PAX2: variants seen among roughly 807,000 people sequenced by gnomAD.
The protein encoded by PAX2 is paired box 2, also known as paired box protein Pax-2.
In PAX2, 9 loss-of-function variants were observed where a neutral mutation model predicts 41.7. The ratio of observed to expected loss-of-function variants is 0.22; its 90% CI spans 0.13 to 0.38. PAX2 has a LOEUF of 0.38. Ranked by LOEUF, PAX2 falls within the 10% of genes least tolerant of loss-of-function variation. PAX2 has a pLI of 1.00. For missense variants in PAX2, 418 were observed against 531.6 expected (o/e 0.79, Z 2.10); for synonymous variants, 221 against 212.7 (o/e 1.04, Z -0.34).
At chr10:100,798,001 A>G (rs957018812) in intron 5 of PAX2, among the ~76,000 whole-genome samples, 1 of 152,070 alleles carries the variant, frequency 6.6e-6, no homozygotes, top group African/African-American at 2.4e-5. Context: ...GGCTTGGTCA[A>G]GTACAGCAGG....
In PAX2 at chr10:100,748,809, G is replaced by A. The variant is rs913809619; in HGVS notation, c.44-937G>A. Reference sequence around the variant, plus strand: ...TGGGGGGGCTGCCGAGGTCTGAGGGGTCAAAGGGACTCGAGTCGGGTTTGG... The same window carrying A: ...TGGGGGGGCTGCCGAGGTCTGAGGGATCAAAGGGACTCGAGTCGGGTTTGG... On this transcript the variant is annotated intron_variant, in intron 1 of 9. Coordinates refer to ENST00000355243, the MANE Select transcript of PAX2 (RefSeq NM_000278.5). This position sits in a 1 kb window ranked among gnomAD's most constrained non-coding sequence, Gnocchi z 5.0. The A allele has an allele frequency of 3.0e-6, 3 of 985,522 alleles. No homozygotes were observed. The highest frequency in any genetic ancestry group is 3.6e-6 in the Non-Finnish European group (3 of 830,006). 61.0% of individuals were successfully genotyped at this position (985,522 alleles called of 1,614,324 possible).
chr10:100,741,260 A>T (rs991010235), upstream of PAX2, among the ~76,000 whole-genome samples: 1 of 152,150 alleles, frequency 6.6e-6, no homozygotes, highest in South Asian at 2.1e-4. Flanking sequence ...GCAGGAAAAG[A>T]AGAGTGAGAG....
intron 5 of PAX2, among the ~76,000 whole-genome samples, chr10:100,802,726 A>G (rs916103808): frequency 6.6e-6 from 1 of 152,120 alleles, no homozygotes; most frequent in Non-Finnish European, 1.5e-5. Context: ...GTGCTCTTTG[A>G]CTGGCTGCTG....
At chr10:100,796,278 T>C (rs960271851) in intron 5 of PAX2, among the ~76,000 whole-genome samples, 3 of 152,250 alleles carry the variant, frequency 2.0e-5, no homozygotes, top group Non-Finnish European at 4.4e-5. Flanking sequence ...ATATAATTTT[T>C]TAATCAAAAA....
At chr10:100,801,452 ACTAT>A (rs1326817424) in intron 5 of PAX2, among the ~76,000 whole-genome samples, 5 of 152,244 alleles carry the variant, frequency 3.3e-5, no homozygotes, top group Non-Finnish European at 7.3e-5. Flanking sequence ...TTATTTACAT[ACTAT>A]CTGTGTTCCA....
intron 3 of PAX2, among the ~76,000 whole-genome samples, chr10:100,753,335 G>A (rs1313720608): frequency 1.3e-5 from 2 of 152,168 alleles, no homozygotes; most frequent in Admixed American, 6.5e-5. Flanking sequence ...GGGGAACCAC[G>A]CTCTCATCTT....
At chr10:100,779,980 A>G (rs1187219212) in intron 4 of PAX2, among the ~76,000 whole-genome samples, 6 of 150,990 alleles carry the variant, frequency 4.0e-5, no homozygotes, top group African/African-American at 1.5e-4. Flanking sequence ...TTTTATATCA[A>G]CTTTCTTATT....
intron 5 of PAX2, among the ~76,000 whole-genome samples, chr10:100,792,949 T>G (rs1333032035): frequency 1.3e-5 from 2 of 152,248 alleles, no homozygotes; most frequent in Admixed American, 6.5e-5. Context: ...GTCGCTCTGA[T>G]GCAGTCATTT....
At chr10:100,795,605 G>A (rs1013795846) in intron 5 of PAX2, among the ~76,000 whole-genome samples, 12 of 152,184 alleles carry the variant, frequency 7.9e-5, no homozygotes, top group Admixed American at 7.9e-4. Flanking sequence ...TTCATTTAAA[G>A]GATTTCCAGA....
intron 7 of PAX2, among the ~76,000 whole-genome samples, chr10:100,822,580 G>A (rs1848409045): frequency 6.6e-6 from 1 of 152,230 alleles, no homozygotes; most frequent in Non-Finnish European, 1.5e-5. Flanking sequence ...AGCAAGCTAT[G>A]ATATGAAACA....
chr10:100,803,955 A>G (rs79418615), intron 5 of PAX2, among the ~76,000 whole-genome samples: 2,047 of 152,240 alleles, frequency 0.013, 45 homozygotes, highest in African/African-American at 0.046. Context: ...AAACAGTACT[A>G]TCAGTGGAAC....
chr10:100,804,975 CCTT>C (rs1320411133), intron 5 of PAX2, among the ~76,000 whole-genome samples: 1 of 148,874 alleles, frequency 6.7e-6, no homozygotes, highest in Non-Finnish European at 1.5e-5. Flanking sequence ...TTCTCTCTCT[CCTT>C]CTCTCTCTCT....
rs887495583 is a variant in PAX2 at position 100,826,274 on chromosome 10, C to T, written c.1022-735C>T. On this transcript the variant is annotated intron_variant, in intron 8 of 9. Transcript: ENST00000355243. The surrounding 1 kb of genome is among the most constrained non-coding windows in gnomAD (Gnocchi z 5.5). ...CTCTACTTAACCCGCGGTTAGGGAT[C>T]ACTGTAAACAGTCTGGGGTCATCAC... Among the ~76,000 whole-genome samples, 24 of 149,120 alleles carry T rather than the reference C, an allele frequency of 1.6e-4. No individual in the cohort carries two copies. Among genetic ancestry groups the T allele is most frequent in the African/African-American group, 5.9e-4 (24 of 40,426 alleles).
intron 7 of PAX2, among the ~76,000 whole-genome samples, chr10:100,810,829 G>T (rs1330736376): frequency 1.3e-5 from 2 of 152,216 alleles, no homozygotes; most frequent in Non-Finnish European, 2.9e-5. Flanking sequence ...GTACAGAGAA[G>T]TGCCTCCACC....
At chr10:100,739,003 G>T (rs1210753158) in intron 1 of PAX2, among the ~76,000 whole-genome samples, 1 of 125,720 alleles carries the variant, frequency 8.0e-6, no homozygotes, top group Non-Finnish European at 1.7e-5. Context: ...TCCGTCGCGC[G>T]CGCGCACGCG....
chr10:100,801,714 A>C (rs1257132244), intron 5 of PAX2, among the ~76,000 whole-genome samples: 1 of 152,236 alleles, frequency 6.6e-6, no homozygotes, highest in Non-Finnish European at 1.5e-5. Flanking sequence ...GGTGCCAGGC[A>C]AAGAACGAGG....
intron 3 of PAX2, among the ~76,000 whole-genome samples, chr10:100,760,653 C>T (rs1203614561): frequency 2.6e-5 from 4 of 152,146 alleles, no homozygotes; most frequent in Non-Finnish European, 5.9e-5. Context: ...TAGGTAGAGA[C>T]AAAGGTCAAG....
At chr10:100,789,032 C>T (rs1386368060) in intron 5 of PAX2, among the ~76,000 whole-genome samples, 1 of 152,128 alleles carries the variant, frequency 6.6e-6, no homozygotes, top group Non-Finnish European at 1.5e-5. Context: ...CTTTTGCTCT[C>T]CTCCCAGACC....
chr10:100,749,463 T>G, intron 1 of PAX2: 2 of 1,264,054 alleles, frequency 1.6e-6, no homozygotes, highest in Non-Finnish European at 9.9e-7. Context: ...TCTCCCCTCT[T>G]TTCTGTCATC....
Sources: gnomAD v4.1 joint callset for allele counts (sites outside exome capture counted in the v4.1 genomes callset) on GRCh38, gnomAD v4.1.1 for gene constraint, Gnocchi (gnomAD v3.1) non-coding constraint, MANE v1.5 for transcripts, NCBI Gene and HGNC (gene_info 2026-07-23, HGNC 2026-07-21) for gene names.